Variants in ATP11A observed in about 807,000 individuals in gnomAD.
ATP11A encodes ATPase phospholipid transporting 11A, also known as phospholipid-transporting ATPase IH.
ATP11A carries 81 observed loss-of-function variants against 154.4 expected under a neutral mutation model. The observed-to-expected ratio is 0.52, with a 90% CI of 0.44 to 0.63. ATP11A has a LOEUF of 0.63. Ranked by LOEUF, ATP11A falls within the 30% of genes least tolerant of loss-of-function variation. The pLI is 0.00. For missense variants in ATP11A, 1,316 were observed against 1,474.3 expected, an observed-to-expected ratio of 0.89 and a Z score of 1.76; for synonymous variants, 623 against 585.9, an observed-to-expected ratio of 1.06 and a Z score of -0.91.
intron 29 of ATP11A, among the ~76,000 whole-genome samples, chr13:112,879,562 G>A (rs1278764): frequency 0.96 from 145,609 of 152,338 alleles, 69,659 homozygotes; most frequent in South Asian, 0.98. Flanking sequence ...GAGCATGTAC[G>A]GAAGCTGAGC....
chr13:112,765,541 T>C (rs365513), intron 1 of ATP11A, among the ~76,000 whole-genome samples: 150,834 of 152,352 alleles, frequency 0.99, 74,675 homozygotes, highest in Middle Eastern at 1. Context: ...CGAGGGAGAA[T>C]GTACTGAAAT....
intron 1 of ATP11A, among the ~76,000 whole-genome samples, chr13:112,710,096 G>A (rs887482109): frequency 1.3e-5 from 2 of 152,212 alleles, no homozygotes; most frequent in Non-Finnish European, 2.9e-5. Flanking sequence ...GGTGTCAGGC[G>A]GCCACTCTCA....
chr13:112,810,128 A>G (rs912271820), intron 4 of ATP11A, among the ~76,000 whole-genome samples: 1 of 152,114 alleles, frequency 6.6e-6, no homozygotes, highest in African/African-American at 2.4e-5. Flanking sequence ...TCTCATAACA[A>G]TCAGTTTTTA....
intron 1 of ATP11A, among the ~76,000 whole-genome samples, chr13:112,772,720 G>A (rs546002695): frequency 2.0e-5 from 3 of 152,326 alleles, no homozygotes; most frequent in South Asian, 2.1e-4. Flanking sequence ...CCGTGTGGAC[G>A]CTTCTCGTGG....
chr13:112,750,527 G>A (rs2076665590), intron 1 of ATP11A, among the ~76,000 whole-genome samples: 1 of 99,300 alleles, frequency 1.0e-5, no homozygotes, highest in Non-Finnish European at 2.0e-5. Flanking sequence ...GTGGGGACAC[G>A]CCTGCTGAAG....
At position 112,859,082 on chromosome 13, in the gene ATP11A, A is replaced by C; in HGVS notation, c.2668-311A>C. The C allele has an allele frequency of 3.2e-6, 1 of 309,282 alleles. No homozygotes were observed. Among genetic ancestry groups the C allele is most frequent in the South Asian group, 3.3e-5 (1 of 30,314 alleles). 19.2% of individuals were successfully genotyped at this position (309,282 alleles called of 1,614,324 possible). On this transcript the variant is annotated intron_variant, in intron 22 of 29. Coordinates refer to ENST00000375645, the MANE Select transcript of ATP11A (RefSeq NM_015205.3). This position sits in a 1 kb window ranked among gnomAD's most constrained non-coding sequence, Gnocchi z 4.3. ...ACCTTTCAGGTGGAAATGTTTGAGG[A>C]AGGATTCCTTATTCACTGTGCAGTT...
At position 112,838,386 on chromosome 13, in the gene ATP11A, G is replaced by T. The variant is rs1303174086; in HGVS notation, c.1705+2135G>T. On this transcript the variant is annotated intron_variant, in intron 16 of 29. Transcript: ENST00000375645. This position sits in a 1 kb window ranked among gnomAD's most constrained non-coding sequence, Gnocchi z 7.3. ...GTGACCTGCGGGGCTGACTCACGTG[G>T]TTTTCCCCGTAGCAGTCGAATCTAG... 1.3e-5 allele frequency among the ~76,000 whole-genome samples: 2 copies of T among 151,978 alleles called. No homozygotes were observed. The highest frequency in any genetic ancestry group is 2.9e-5 in the Non-Finnish European group (2 of 67,972).
Position 112,873,690 on chromosome 13 carries a change from A to T in ATP11A, c.3161+14A>T. 1 of 1,587,706 alleles carries T rather than the reference A, an allele frequency of 6.3e-7. No individual in the cohort carries two copies. The highest frequency in any genetic ancestry group is 8.6e-7 in the Non-Finnish European group (1 of 1,156,262). On this transcript the variant is annotated intron_variant, in intron 27 of 29. Transcript: ENST00000375645. ...AGGAGTGATCTGGTAAATATCTGATAAGTAGCTGATAATCTGATAAATATC... is the reference window on the plus strand; with the variant it reads ...AGGAGTGATCTGGTAAATATCTGATTAGTAGCTGATAATCTGATAAATATC...
At chr13:112,744,162 T>C (rs777946252) in intron 1 of ATP11A, among the ~76,000 whole-genome samples, 8 of 152,210 alleles carry the variant, frequency 5.3e-5, no homozygotes, top group Non-Finnish European at 1.2e-4. Flanking sequence ...GGCAGGAGAA[T>C]GTCGCTGTCC....
intron 1 of ATP11A, among the ~76,000 whole-genome samples, chr13:112,735,960 C>G (rs947926900): frequency 6.6e-6 from 1 of 151,986 alleles, no homozygotes; most frequent in African/African-American, 2.4e-5. Flanking sequence ...CCCGCACCTC[C>G]GTCTGCACAT....
chr13:112,833,267 T>C (rs282616), intron 14 of ATP11A, among the ~76,000 whole-genome samples: 56,072 of 151,988 alleles, frequency 0.37, 11,610 homozygotes, highest in African/African-American at 0.56. Context: ...TGGGTGGCTT[T>C]TCCTCCTGAG....
At chr13:112,757,173 C>T (rs1215873510) in intron 1 of ATP11A, among the ~76,000 whole-genome samples, 3 of 152,176 alleles carry the variant, frequency 2.0e-5, no homozygotes, top group African/African-American at 4.8e-5. Flanking sequence ...GTCCAGCCTA[C>T]GAGAATGGCC....
chr13:112,754,637 C>G lies in ATP11A; in HGVS notation c.40-30498C>G, dbSNP rs1246130081. Reference sequence around the variant, plus strand: ...CCTGGAGAGGTTGAGCCCCAGACTCCTGGGAAGCTGTTCCCCCACGTTCTG... The same window carrying G: ...CCTGGAGAGGTTGAGCCCCAGACTCGTGGGAAGCTGTTCCCCCACGTTCTG... On this transcript the variant is annotated intron_variant, in intron 1 of 29. Transcript: ENST00000375645. This position sits in a 1 kb window ranked among gnomAD's most constrained non-coding sequence, Gnocchi z 5.3. The G allele has an allele frequency of 2.0e-5, 3 of 152,852 alleles. No individual in the cohort carries two copies. Among genetic ancestry groups the G allele is most frequent in the Non-Finnish European group, 2.9e-5 (2 of 68,472 alleles). 9.5% of individuals were successfully genotyped at this position (152,852 alleles called of 1,614,324 possible). A position where few individuals can be genotyped will look rare whatever the true frequency, so the allele number is the denominator to read the frequency against.
In ATP11A at chr13:112,810,018, C is replaced by T. The variant is rs185607800; in HGVS notation, c.334-601C>T. On this transcript the variant is annotated intron_variant, in intron 4 of 29. Coordinates refer to ENST00000375645, the MANE Select transcript of ATP11A (RefSeq NM_015205.3). Reference sequence around the variant, plus strand: ...ACGGGAGTCACGATGGGATGTTTCCCGCGTGGGTTACTCAGATGCGGAAAC... The same window carrying T: ...ACGGGAGTCACGATGGGATGTTTCCTGCGTGGGTTACTCAGATGCGGAAAC... Among the ~76,000 whole-genome samples, 26 of 152,264 alleles carry T rather than the reference C, an allele frequency of 1.7e-4. No homozygotes were observed. In the East Asian group the frequency reaches 2.3e-3, roughly 14 times the overall value.
At chr13:112,818,141 ACGG>A (rs1245205693) in intron 6 of ATP11A, among the ~76,000 whole-genome samples, 3 of 138,044 alleles carry the variant, frequency 2.2e-5, no homozygotes, top group African/African-American at 8.3e-5. Flanking sequence ...GCTTGGTGAC[ACGG>A]CGGTGACCGT....
intron 8 of ATP11A, among the ~76,000 whole-genome samples, chr13:112,821,123 G>T (rs1013377830): frequency 1.3e-5 from 2 of 152,104 alleles, no homozygotes; most frequent in Non-Finnish European, 2.9e-5. Flanking sequence ...TCTGTGTGCC[G>T]TGAGAATTAA....
intron 2 of ATP11A, among the ~76,000 whole-genome samples, chr13:112,791,372 C>T (rs1439969036): frequency 6.6e-6 from 1 of 152,272 alleles, no homozygotes; most frequent in Non-Finnish European, 1.5e-5. Flanking sequence ...TGGCTTCTCC[C>T]TTCCTGGGGC....
intron 1 of ATP11A, among the ~76,000 whole-genome samples, chr13:112,741,884 C>G (rs1566411438): frequency 6.6e-6 from 1 of 152,118 alleles, no homozygotes; most frequent in Non-Finnish European, 1.5e-5. Context: ...TCTCTTCCCC[C>G]AAAGATTGCT....
chr13:112,788,664 T>C (rs1275124420), intron 2 of ATP11A, among the ~76,000 whole-genome samples: 25 of 151,406 alleles, frequency 1.7e-4, no homozygotes, highest in Admixed American at 1.6e-3. Flanking sequence ...CCTATTTAAT[T>C]CACACCGGGT....
Sources: allele counts gnomAD v4.1 joint callset (sites outside exome capture counted in the v4.1 genomes callset), GRCh38; gene constraint gnomAD v4.1.1; non-coding constraint Gnocchi (gnomAD v3.1); transcripts MANE v1.5; gene names NCBI Gene and HGNC (gene_info 2026-07-23, HGNC 2026-07-21).